Variants in SKA2 observed in about 807,000 individuals in gnomAD.
SKA2 encodes spindle and kinetochore-associated protein 2.
SKA2 carries 13 observed loss-of-function variants against 16.9 expected under a neutral mutation model. The ratio of observed to expected loss-of-function variants is 0.77; its 90% CI spans 0.50 to 1.22. The LOEUF (loss-of-function observed/expected upper bound fraction) is 1.22. Ranked by LOEUF, SKA2 falls within the 50% of genes most tolerant of loss-of-function variation. SKA2 has a pLI of 0.00. For missense variants in SKA2, 107 were observed against 139.7 expected, an observed-to-expected ratio of 0.77 and a Z score of 1.18; for synonymous variants, 47 against 48.5, an observed-to-expected ratio of 0.97 and a Z score of 0.13.
At chr17:59,126,181 A>C (rs1210189560) in intron 2 of SKA2, among the ~76,000 whole-genome samples, 1 of 147,180 alleles carries the variant, frequency 6.8e-6, no homozygotes, top group African/African-American at 2.5e-5. Context: ...AAAATAAATA[A>C]ATGAATAAAT....
intron 2 of SKA2, among the ~76,000 whole-genome samples, chr17:59,129,692 A>T (rs1450035316): frequency 1.3e-5 from 2 of 151,628 alleles, no homozygotes; most frequent in Non-Finnish European, 2.9e-5. Flanking sequence ...CATCTCTACT[A>T]AAAAATACAA....
chr17:59,128,481 C>A (rs185465288), intron 2 of SKA2, among the ~76,000 whole-genome samples: 1 of 151,582 alleles, frequency 6.6e-6, no homozygotes, highest in African/African-American at 2.4e-5. Context: ...CAAAAATTAG[C>A]CAGATGTGGT....
At chr17:59,151,361 G>A (rs1260280924) in intron 1 of SKA2, 1 of 402,524 alleles carries the variant, frequency 2.5e-6, no homozygotes, top group Non-Finnish European at 4.8e-6. Context: ...TTTAAAAAAG[G>A]ATAAGACTTA....
chr17:59,149,006 A>G (rs557574636), intron 1 of SKA2, among the ~76,000 whole-genome samples: 2 of 152,270 alleles, frequency 1.3e-5, no homozygotes, highest in South Asian at 4.1e-4. Context: ...ATATTTTTGC[A>G]TCAACCTAAT....
At chr17:59,147,151 G>A (rs1037918836) in intron 1 of SKA2, among the ~76,000 whole-genome samples, 4 of 151,672 alleles carry the variant, frequency 2.6e-5, no homozygotes, top group South Asian at 4.2e-4. Flanking sequence ...AGAGCAAAAC[G>A]CCATCTCAGA....
At chr17:59,140,874 C>T (rs2046483420) in intron 1 of SKA2, among the ~76,000 whole-genome samples, 1 of 151,348 alleles carries the variant, frequency 6.6e-6, no homozygotes, top group African/African-American at 2.4e-5. Flanking sequence ...CCACCCGCCT[C>T]AGCATCCCAA....
chr17:59,114,086 G>A (rs1209427096), intron 3 of SKA2, among the ~76,000 whole-genome samples: 1 of 152,152 alleles, frequency 6.6e-6, no homozygotes, highest in Non-Finnish European at 1.5e-5. Context: ...TCTCAGCAGT[G>A]AGTAAAGTCT....
At chr17:59,115,073 A>G (rs1000042368) in intron 3 of SKA2, among the ~76,000 whole-genome samples, 28 of 79,934 alleles carry the variant, frequency 3.5e-4, no homozygotes, top group Non-Finnish European at 6.2e-4. Context: ...TTTTTTTTTT[A>G]ATTTTGAAAT....
intron 1 of SKA2, among the ~76,000 whole-genome samples, chr17:59,131,614 C>T (rs993857497): frequency 6.6e-6 from 1 of 152,008 alleles, no homozygotes; most frequent in Admixed American, 6.6e-5. Flanking sequence ...ACATTTTGAG[C>T]CAAAATCAAG....
chr17:59,134,514 T>C (rs568970005), intron 1 of SKA2, among the ~76,000 whole-genome samples: 7 of 152,176 alleles, frequency 4.6e-5, no homozygotes, highest in Admixed American at 2.6e-4. Context: ...TTAGTTCTGC[T>C]TGAAGTTTAG....
rs369923995 is a variant in SKA2 at position 59,118,807 on chromosome 17, C to A, written c.297+512G>T. Among the ~76,000 whole-genome samples the A allele has an allele frequency of 5.5e-4, 83 of 152,278 alleles. 1 individual carries two copies. The South Asian group carries it at 0.017, about 31-fold the overall frequency. On this transcript the variant is annotated intron_variant, in intron 3 of 3. Transcript: ENST00000330137. ...GCAATATAAAGTATTCTTGATCAAA[C>A]TGACCTGGGTAATTAACCTTTCTGA...
chr17:59,114,109 A>C (rs1358842567), intron 3 of SKA2, among the ~76,000 whole-genome samples: 3 of 152,146 alleles, frequency 2.0e-5, no homozygotes, highest in Non-Finnish European at 2.9e-5. Context: ...CTAGTAACCT[A>C]CTTCCAGACT....
intron 1 of SKA2, among the ~76,000 whole-genome samples, chr17:59,135,083 C>T (rs552351661): frequency 1.3e-5 from 2 of 152,026 alleles, no homozygotes; most frequent in African/African-American, 4.8e-5. Flanking sequence ...GATCGGCCTG[C>T]CTCGGCCTCC....
intron 1 of SKA2, among the ~76,000 whole-genome samples, chr17:59,150,708 C>T (rs1438172395): frequency 6.6e-6 from 1 of 152,132 alleles, no homozygotes; most frequent in African/African-American, 2.4e-5. Context: ...GGCCACTGCA[C>T]TCCAGCCTGG....
chr17:59,136,838 C>T (rs77947833), intron 1 of SKA2, among the ~76,000 whole-genome samples: 7 of 152,240 alleles, frequency 4.6e-5, no homozygotes, highest in Non-Finnish European at 1.0e-4. Flanking sequence ...TGAGCTACCA[C>T]GCCCAGCCGA....
rs187057188 is a variant in SKA2, at chr17:59,145,481, A to G, written c.33+9650T>C. Reference sequence around the variant, plus strand: ...AATCCCTACTCATCTTTCAAGTCTCAGATTATATCTCACCTCTAAGAAGAA... The same window carrying G: ...AATCCCTACTCATCTTTCAAGTCTCGGATTATATCTCACCTCTAAGAAGAA... On this transcript the variant is annotated intron_variant, in intron 1 of 3. Transcript: ENST00000330137. 4.7e-4 allele frequency among the ~76,000 whole-genome samples: 72 copies of G among 152,054 alleles called. No homozygotes were observed. The East Asian group carries it at 0.01, about 22-fold the overall frequency.
At chr17:59,121,151 C>CAAAAAA (rs71145525) in intron 2 of SKA2, among the ~76,000 whole-genome samples, 1 of 99,708 alleles carries the variant, frequency 1.0e-5, no homozygotes, top group Non-Finnish European at 2.0e-5. Flanking sequence ...GACTCCGTCT[C>CAAAAAA]AAAAAAAAAA....
intron 1 of SKA2, 59 bp from the exon 2 acceptor site, chr17:59,131,426 C>T: frequency 1.8e-6 from 2 of 1,124,566 alleles, no homozygotes; most frequent in Non-Finnish European, 2.5e-6. Flanking sequence ...AAACATGATA[C>T]TTTATTCTTT....
chr17:59,148,355 G>A (rs1162432040), intron 1 of SKA2, among the ~76,000 whole-genome samples: 1 of 151,946 alleles, frequency 6.6e-6, no homozygotes, highest in Non-Finnish European at 1.5e-5. Context: ...GCAGGAGGAC[G>A]GCTTGAGCCC....
Sources: gnomAD v4.1 joint callset for allele counts (sites outside exome capture counted in the v4.1 genomes callset) on GRCh38, gnomAD v4.1.1 for gene constraint, MANE v1.5 for transcripts, NCBI Gene and HGNC (gene_info 2026-07-23, HGNC 2026-07-21) for gene names.